Variants in DNAH10 observed in about 807,000 individuals in gnomAD.
DNAH10 encodes axonemal beta dynein heavy chain 10.
DNAH10 carries 348 observed loss-of-function variants against 506.6 expected under a neutral mutation model. That is an observed-to-expected ratio of 0.69 (90% confidence interval 0.63 to 0.75). DNAH10 has a LOEUF of 0.75. Ranked by LOEUF, DNAH10 falls within the 30% of genes least tolerant of loss-of-function variation. The probability of loss-of-function intolerance (pLI) is 0.00; values close to 1 mark genes in which losing one functional copy is unlikely to be tolerated. For synonymous variants in DNAH10, 2,059 were observed against 2,198.6 expected, an observed-to-expected ratio of 0.94 and a Z score of 1.78; for missense variants, 5,179 against 5,787.1, an observed-to-expected ratio of 0.89 and a Z score of 3.41.
chr12:123,799,105 C>CA (rs138331705), intron 13 of DNAH10, 141 bp from the exon 14 acceptor site: 41,014 of 287,924 alleles, frequency 0.14, 63 homozygotes, highest in Non-Finnish European at 0.15. Flanking sequence ...ACTCCGTCTC[C>CA]AAAAAAAAAA....
rs1954325731 is a variant in DNAH10 at position 123,913,452 on chromosome 12, T to C, written c.10352+137T>C. On this transcript the variant is annotated intron_variant, in intron 60 of 78. Coordinates refer to ENST00000673944, the MANE Select transcript of DNAH10 (RefSeq NM_001372106.1). This position sits in a 1 kb window ranked among gnomAD's most constrained non-coding sequence, Gnocchi z 5.1. ...GTGACCAGGTCTTATGTTCCTATTA[T>C]CATGTTTATGGCAGCTAATGGCTAT... 1.1e-6 allele frequency: 1 copy of C among 928,696 alleles called. No homozygotes were observed. The highest frequency in any genetic ancestry group is 1.7e-5 in the African/African-American group (1 of 60,024). The allele number at this position is 928,696 out of a possible 1,614,324, so 57.5% of individuals were successfully genotyped here. A position where few individuals can be genotyped will look rare whatever the true frequency, so the allele number is the denominator to read the frequency against.
rs1468740332 is a variant in DNAH10, at chr12:123,855,716, A to G, written c.6439-1340A>G. Among the ~76,000 whole-genome samples the G allele has an allele frequency of 2.7e-5, 4 of 150,928 alleles. 1 individual carries two copies. Among genetic ancestry groups the G allele is most frequent in the South Asian group, 4.2e-4 (2 of 4,800 alleles). On this transcript the variant is annotated intron_variant, in intron 36 of 78. Coordinates refer to ENST00000673944, the MANE Select transcript of DNAH10 (RefSeq NM_001372106.1). ...TCAAAGTAAATGTTCTTCCTGTAATAAGGAACCTTTGCTTTAGCGTAGATG... is the reference window on the plus strand; with the variant it reads ...TCAAAGTAAATGTTCTTCCTGTAATGAGGAACCTTTGCTTTAGCGTAGATG...
intron 30 of DNAH10, among the ~76,000 whole-genome samples, chr12:123,844,341 A>T (rs1464189324): frequency 6.6e-6 from 1 of 152,202 alleles, no homozygotes; most frequent in Admixed American, 6.5e-5. Context: ...GCCAAACCAT[A>T]TCAGGCATTT....
chr12:123,864,117 T>C (rs1450611521), intron 39 of DNAH10, among the ~76,000 whole-genome samples: 1 of 151,794 alleles, frequency 6.6e-6, no homozygotes, highest in East Asian at 1.9e-4. Flanking sequence ...TTCTTAAATA[T>C]TGGCAAAGAA....
At chr12:123,805,923 C>T (rs1958657232) in intron 18 of DNAH10, among the ~76,000 whole-genome samples, 1 of 151,868 alleles carries the variant, frequency 6.6e-6, no homozygotes, top group South Asian at 2.1e-4. Flanking sequence ...ACTACAGGCG[C>T]CCACCACTAC....
chr12:123,827,021 G>T lies in DNAH10; in HGVS notation c.4391+123G>T, dbSNP rs529000700. On this transcript the variant is annotated intron_variant, in intron 25 of 78. Transcript: ENST00000673944. ...CACACAATTTCAACAATGCCGCAGG[G>T]CTATACATGGGCACGACACAGTTCT... The T allele has an allele frequency of 3.2e-5, 26 of 815,650 alleles. No individual in the cohort carries two copies. In the African/African-American group the frequency reaches 4.1e-4, roughly 13 times the overall value. 50.5% of individuals were successfully genotyped at this position (815,650 alleles called of 1,614,324 possible).
At position 123,785,678 on chromosome 12, in the gene DNAH10, C is replaced by A; in HGVS notation, c.1231-68C>A. On this transcript the variant is annotated intron_variant, in intron 8 of 78. Coordinates refer to ENST00000673944, the MANE Select transcript of DNAH10 (RefSeq NM_001372106.1). This position sits in a 1 kb window ranked among gnomAD's most constrained non-coding sequence, Gnocchi z 4.1. ...AAGAGTGAAACTTCTTGCATGCTTA[C>A]TGTTTTATGAAACTATTTGGACCCC... The A allele has an allele frequency of 8.5e-5, 93 of 1,096,594 alleles. No homozygotes were observed. Among genetic ancestry groups the A allele is most frequent in the Non-Finnish European group, 1.1e-4 (85 of 792,974 alleles). 67.9% of individuals were successfully genotyped at this position (1,096,594 alleles called of 1,614,324 possible). A position where few individuals can be genotyped will look rare whatever the true frequency, so the allele number is the denominator to read the frequency against.
At chr12:123,767,231 A>G (rs1410313582) in intron 1 of DNAH10, among the ~76,000 whole-genome samples, 2 of 152,182 alleles carry the variant, frequency 1.3e-5, no homozygotes, top group African/African-American at 2.4e-5. Flanking sequence ...AAATTGTGGT[A>G]ACATACACAC....
chr12:123,919,740 C>T lies in DNAH10; in HGVS notation c.11506+791C>T, dbSNP rs1168866972. 6.6e-6 allele frequency among the ~76,000 whole-genome samples: 1 copy of T among 152,214 alleles called. No individual in the cohort carries two copies. ...GTGTGACTTCATGACTGGTATCTTTCACTCCACTCCGTGACCTCACGGTTC... is the reference window on the plus strand; with the variant it reads ...GTGTGACTTCATGACTGGTATCTTTTACTCCACTCCGTGACCTCACGGTTC... On this transcript the variant is annotated intron_variant, in intron 65 of 78. Coordinates refer to ENST00000673944, the MANE Select transcript of DNAH10 (RefSeq NM_001372106.1). The surrounding 1 kb of genome is among the most constrained non-coding windows in gnomAD (Gnocchi z 4.9).
chr12:123,843,695 A>C (rs1950850708), intron 30 of DNAH10, among the ~76,000 whole-genome samples: 1 of 152,120 alleles, frequency 6.6e-6, no homozygotes. Context: ...CTCCTGCCTT[A>C]GACTTCTGAG....
At position 123,853,917 on chromosome 12, in the gene DNAH10, C is replaced by T. The variant is rs552775838; in HGVS notation, c.6438+565C>T. Among the ~76,000 whole-genome samples the T allele has an allele frequency of 2.0e-5, 3 of 150,624 alleles. No individual in the cohort carries two copies. Among genetic ancestry groups the T allele is most frequent in the East Asian group, 2.0e-4 (1 of 5,108 alleles). On this transcript the variant is annotated intron_variant, in intron 36 of 78. Coordinates refer to ENST00000673944, the MANE Select transcript of DNAH10 (RefSeq NM_001372106.1). This position sits in a 1 kb window ranked among gnomAD's most constrained non-coding sequence, Gnocchi z 4.7. Reference sequence around the variant, plus strand: ...ACGTACGCACGCACATGTACACATACGCACACGCACGCACACGCACACGCA... The same window carrying T: ...ACGTACGCACGCACATGTACACATATGCACACGCACGCACACGCACACGCA...
At chr12:123,825,487 C>T (rs79980997) in intron 24 of DNAH10, among the ~76,000 whole-genome samples, 2,127 of 152,290 alleles carry the variant, frequency 0.014, 42 homozygotes, top group African/African-American at 0.047. Context: ...AGCGCATCCA[C>T]GCAACAACAT....
chr12:123,765,679 T>G (rs1430878417), intron 1 of DNAH10, among the ~76,000 whole-genome samples: 1 of 151,656 alleles, frequency 6.6e-6, no homozygotes, highest in Non-Finnish European at 1.5e-5. Flanking sequence ...CTATTATCTA[T>G]CTACCAACTG....
chr12:123,862,083 G>A (rs1249016991), intron 39 of DNAH10, among the ~76,000 whole-genome samples: 3 of 152,314 alleles, frequency 2.0e-5, no homozygotes, highest in African/African-American at 7.2e-5. Flanking sequence ...TTGACAGGAA[G>A]GCTGCAGGAG....
At chr12:123,831,365 C>T (rs184417028) in intron 26 of DNAH10, among the ~76,000 whole-genome samples, 30 of 152,284 alleles carry the variant, frequency 2.0e-4, no homozygotes, top group South Asian at 1.7e-3. Flanking sequence ...TACACATATC[C>T]CTACACATAT....
intron 24 of DNAH10, among the ~76,000 whole-genome samples, chr12:123,823,107 A>T (rs1959593932): frequency 6.6e-6 from 1 of 152,264 alleles, no homozygotes; most frequent in African/African-American, 2.4e-5. Flanking sequence ...GGCCCAGGGA[A>T]TGCTGCTGAG....
At chr12:123,784,299 C>G in intron 8 of DNAH10, 122 bp downstream of exon 8, 2 of 994,238 alleles carry the variant, frequency 2.0e-6, no homozygotes, top group Non-Finnish European at 3.0e-6. Context: ...GTAATCCCAG[C>G]ACTTTGGGAG....
chr12:123,881,922 A>G lies in DNAH10; in HGVS notation c.8823+109A>G, dbSNP rs535741402. ...CAGCAGATCATAGCATGATGTTTTC[A>G]TAGAGTATCGAGGTGGGTGTTTTGG... On this transcript the variant is annotated intron_variant, in intron 51 of 78. Coordinates refer to ENST00000673944, the MANE Select transcript of DNAH10 (RefSeq NM_001372106.1). 9 of 1,118,738 alleles carry G rather than the reference A, an allele frequency of 8.0e-6. No homozygotes were observed. The East Asian group carries it at 2.8e-4, about 35-fold the overall frequency. 69.3% of individuals were successfully genotyped at this position (1,118,738 alleles called of 1,614,324 possible). A position where few individuals can be genotyped will look rare whatever the true frequency, so the allele number is the denominator to read the frequency against.
Position 123,876,899 on chromosome 12 carries a change from GC to G in DNAH10, c.8200-836del, listed in dbSNP as rs1445661795. Among the ~76,000 whole-genome samples the G allele has an allele frequency of 3.9e-5, 6 of 151,960 alleles. No individual in the cohort carries two copies. In the East Asian group the frequency reaches 9.7e-4, roughly 24 times the overall value. ...CACTTGAGCCCAAGAGGTCGAGGCT[GC>G]AGTAAGCCCTGATCATGCCCCTGCA... On this transcript the variant is annotated intron_variant, in intron 47 of 78. Coordinates refer to ENST00000673944, the MANE Select transcript of DNAH10 (RefSeq NM_001372106.1).
Sources: gnomAD v4.1 joint callset for allele counts (sites outside exome capture counted in the v4.1 genomes callset) on GRCh38, gnomAD v4.1.1 for gene constraint, Gnocchi (gnomAD v3.1) non-coding constraint, MANE v1.5 for transcripts, NCBI Gene and HGNC (gene_info 2026-07-23, HGNC 2026-07-21) for gene names.